Variants in MMP28 observed in about 807,000 individuals in gnomAD.
MMP28 encodes matrix metallopeptidase 28.
A neutral mutation model predicts 60.5 loss-of-function variants in MMP28; 55 were observed. The ratio of observed to expected loss-of-function variants is 0.91; its 90% CI spans 0.73 to 1.14. MMP28 has a LOEUF of 1.14. Among genes scored for constraint, MMP28 ranks in the 50% most tolerant of loss-of-function variants. The pLI is 0.00. For synonymous variants in MMP28, 318 were observed against 312.5 expected, an observed-to-expected ratio of 1.02 and a Z score of -0.18; for missense variants, 686 against 738.3, an observed-to-expected ratio of 0.93 and a Z score of 0.82.
chr17:35,769,439 T>G (rs2086050376), intron 5 of MMP28, among the ~76,000 whole-genome samples: 1 of 152,200 alleles, frequency 6.6e-6, no homozygotes, highest in Non-Finnish European at 1.5e-5. Flanking sequence ...GAGCATCTGC[T>G]AATCAGGGAT....
At chr17:35,762,051 C>T (rs1382827292), downstream of MMP28, among the ~76,000 whole-genome samples, 1 of 152,028 alleles carries the variant, frequency 6.6e-6, no homozygotes. Context: ...AATGCAGTGG[C>T]GTGATCTCGG....
At chr17:35,788,333 T>G (rs75657795) in intron 1 of MMP28, among the ~76,000 whole-genome samples, 12,333 of 152,244 alleles carry the variant, frequency 0.081, 751 homozygotes, top group South Asian at 0.17. Context: ...TGGTTCTCAC[T>G]AGACTTGTGG....
chr17:35,790,102 T>C (rs1258985273), intron 1 of MMP28, among the ~76,000 whole-genome samples: 1 of 127,656 alleles, frequency 7.8e-6, no homozygotes, highest in Non-Finnish European at 1.6e-5. Context: ...AGTCTCGCTC[T>C]GTTGCCCAGG....
chr17:35,782,971 C>T (rs1431187653), intron 1 of MMP28, among the ~76,000 whole-genome samples: 3 of 152,178 alleles, frequency 2.0e-5, no homozygotes, highest in African/African-American at 7.2e-5. Context: ...GGACTACAGG[C>T]ACCTGCCACG....
At chr17:35,789,703 T>A (rs1179181824) in intron 1 of MMP28, among the ~76,000 whole-genome samples, 1 of 152,162 alleles carries the variant, frequency 6.6e-6, no homozygotes, top group Non-Finnish European at 1.5e-5. Flanking sequence ...GCTAGATGTC[T>A]TATTGTTACT....
chr17:35,793,378 C>T (rs1216939534), intron 1 of MMP28, among the ~76,000 whole-genome samples: 3 of 151,840 alleles, frequency 2.0e-5, no homozygotes, highest in Admixed American at 2.0e-4. Flanking sequence ...GGACTCTTAA[C>T]AAGACTTGGC....
intron 1 of MMP28, among the ~76,000 whole-genome samples, chr17:35,790,320 C>T (rs1381761610): frequency 6.6e-6 from 1 of 152,140 alleles, no homozygotes; most frequent in Non-Finnish European, 1.5e-5. Flanking sequence ...CTGCCTTGGC[C>T]TCCCAAAGTG....
chr17:35,766,106 C>T lies in MMP28; in HGVS notation c.*394G>A, dbSNP rs2085930342. The T allele has an allele frequency of 5.0e-5, 50 of 1,005,992 alleles. No individual in the cohort carries two copies. The highest frequency in any genetic ancestry group is 5.5e-5 in the Admixed American group (1 of 18,140). The allele number at this position is 1,005,992 out of a possible 1,614,324, so 62.3% of individuals were successfully genotyped here. A position where few individuals can be genotyped will look rare whatever the true frequency, so the allele number is the denominator to read the frequency against. On this transcript the variant is annotated 3_prime_UTR_variant, in exon 8 of 8. Coordinates refer to ENST00000605424, the MANE Select transcript of MMP28 (RefSeq NM_024302.5). The surrounding 1 kb of genome is among the most constrained non-coding windows in gnomAD (Gnocchi z 4.3). Reference sequence around the variant, plus strand: ...CCAGGGGGTCCTGAGGAGAAGGGCACAGTCTTGCAAAATGGTCTCGAATTT... The same window carrying T: ...CCAGGGGGTCCTGAGGAGAAGGGCATAGTCTTGCAAAATGGTCTCGAATTT...
downstream of MMP28, chr17:35,764,502 T>C: frequency 6.3e-7 from 1 of 1,588,974 alleles, no homozygotes. Context: ...CTGTGCTTGC[T>C]GCGAGCTCCT....
At chr17:35,760,987 G>GGACAGGACCTCTT (rs781912048), downstream of MMP28, 1 of 1,604,934 alleles carries the variant, frequency 6.2e-7, no homozygotes, top group African/African-American at 1.3e-5. Context: ...TGGGGCTGGA[G>GGACAGGACCTCTT]GACAGGACCT....
downstream of MMP28, chr17:35,763,897 A>AAAATAAATAAATAAAT (rs35027942): frequency 0.021 from 13,939 of 653,838 alleles, 309 homozygotes; most frequent in African/African-American, 0.059. Flanking sequence ...ACCCTGTCTC[A>AAAATAAATAAATAAAT]AAATAAATAA....
At chr17:35,762,991 G>A (rs587737396), downstream of MMP28, among the ~76,000 whole-genome samples, 500 of 152,072 alleles carry the variant, frequency 3.3e-3, 4 homozygotes, top group African/African-American at 0.012. Context: ...GCGTGGTGGC[G>A]GGCGCCTATA....
At chr17:35,762,910 G>C (rs1272052806), downstream of MMP28, among the ~76,000 whole-genome samples, 4 of 152,006 alleles carry the variant, frequency 2.6e-5, no homozygotes, top group Non-Finnish European at 5.9e-5. Flanking sequence ...CAGATCACGA[G>C]GTCAGATCGA....
rs1352184702 is a variant in MMP28, at chr17:35,767,915, C to T, written c.1005G>A (p.Arg335=). Residue 335 remains arginine (R), a synonymous_variant, in exon 7 of 8, where the codon AGG becomes AGA. Coordinates refer to ENST00000605424, the MANE Select transcript of MMP28 (RefSeq NM_024302.5). ...HSSFDAITVD[R]QQQLYIFKGS... ...CTTTAAAAATGTACAGTTGCTGTTGCCTGTCTGCCCAGAGACAAGAGAGAG... is the reference window on the plus strand; with the variant it reads ...CTTTAAAAATGTACAGTTGCTGTTGTCTGTCTGCCCAGAGACAAGAGAGAG... The T allele has an allele frequency of 2.5e-6, 4 of 1,578,870 alleles. No homozygotes were observed. Among genetic ancestry groups the T allele is most frequent in the African/African-American group, 2.7e-5 (2 of 74,082 alleles).
intron 1 of MMP28, 39 bp from the exon 2 acceptor site, chr17:35,779,362 C>A: frequency 1.3e-6 from 2 of 1,555,534 alleles, no homozygotes; most frequent in Non-Finnish European, 8.8e-7. Flanking sequence ...CCATAGCATC[C>A]TTTCCCCTCC....
chr17:35,773,460 C>T (rs2086231954), intron 3 of MMP28, 56 bp from the exon 4 acceptor site: 1 of 1,449,832 alleles, frequency 6.9e-7, no homozygotes, highest in Non-Finnish European at 9.4e-7. Context: ...GAGTCTGGTC[C>T]CCACAGACCC....
At chr17:35,781,662 A>C (rs2086506555) in intron 1 of MMP28, among the ~76,000 whole-genome samples, 1 of 152,190 alleles carries the variant, frequency 6.6e-6, no homozygotes, top group Non-Finnish European at 1.5e-5. Flanking sequence ...TCTCACTGAT[A>C]AAGTTACATA....
rs901228311 is a variant in MMP28, at chr17:35,795,525, T to C, written c.-148A>G. ...CTGTCCCGGGGTTTCGCCAGTGCCCTAGCTGCGCGCTCTGGGCCGCTCCTC... is the reference window on the plus strand; with the variant it reads ...CTGTCCCGGGGTTTCGCCAGTGCCCCAGCTGCGCGCTCTGGGCCGCTCCTC... On this transcript the variant is annotated 5_prime_UTR_variant, in exon 1 of 8. Transcript: ENST00000605424. 2.1e-6 allele frequency: 1 copy of C among 481,250 alleles called. No homozygotes were observed. The highest frequency in any genetic ancestry group is 3.4e-6 in the Non-Finnish European group (1 of 296,412). 29.8% of individuals were successfully genotyped at this position (481,250 alleles called of 1,614,324 possible).
intron 1 of MMP28, among the ~76,000 whole-genome samples, chr17:35,782,767 G>A (rs1160522023): frequency 6.6e-6 from 1 of 152,180 alleles, no homozygotes; most frequent in Non-Finnish European, 1.5e-5. Context: ...CCAGGTTTGG[G>A]AATGAAAATC....
Sources: allele counts gnomAD v4.1 joint callset (sites outside exome capture counted in the v4.1 genomes callset), GRCh38; gene constraint gnomAD v4.1.1; non-coding constraint Gnocchi (gnomAD v3.1); transcripts MANE v1.5; gene names NCBI Gene and HGNC (gene_info 2026-07-23, HGNC 2026-07-21).